Variants in HEPHL1 observed in about 807,000 individuals in gnomAD.
HEPHL1 encodes ferroxidase HEPHL1.
HEPHL1 carries 123 observed loss-of-function variants against 122.0 expected under a neutral mutation model. The ratio of observed to expected loss-of-function variants is 1.01; its 90% CI spans 0.87 to 1.17. The LOEUF (loss-of-function observed/expected upper bound fraction) is 1.17, where lower values mean the gene tolerates loss of function less well. Among genes scored for constraint, HEPHL1 ranks in the 50% most tolerant of loss-of-function variants. The pLI, the probability that HEPHL1 is intolerant of heterozygous loss-of-function variation, is 0.00. For synonymous variants in HEPHL1, 527 were observed against 508.9 expected, an observed-to-expected ratio of 1.04 and a Z score of -0.48; for missense variants, 1,452 against 1,430.5, an observed-to-expected ratio of 1.01 and a Z score of -0.24.
At chr11:94,028,797 G>A (rs1425612103) in intron 1 of HEPHL1, among the ~76,000 whole-genome samples, 1 of 152,134 alleles carries the variant, frequency 6.6e-6, no homozygotes, top group East Asian at 1.9e-4. Flanking sequence ...CATGGGGATG[G>A]CTCCCTTGAA....
intron 14 of HEPHL1, among the ~76,000 whole-genome samples, chr11:94,101,835 C>A (rs1413098970): frequency 6.6e-6 from 1 of 152,144 alleles, no homozygotes; most frequent in Non-Finnish European, 1.5e-5. Context: ...AGTAGCTCCC[C>A]CTTATCACGG....
At chr11:94,076,754 C>T (rs1483410979) in intron 9 of HEPHL1, among the ~76,000 whole-genome samples, 1 of 152,150 alleles carries the variant, frequency 6.6e-6, no homozygotes, top group East Asian at 1.9e-4. Flanking sequence ...GCAAAATGGT[C>T]AGTCTTCTTC....
chr11:94,073,366 C>G lies in HEPHL1; in HGVS notation c.1431C>G (p.Ala477=), dbSNP rs752011824. ...DTLLVTFANK[A]DKVYSILPHG... Reference sequence around the variant, plus strand: ...TGTTAGTGACCTTTGCCAACAAAGCCGACAAGGTCTATAGCATTTTACCCC... The same window carrying G: ...TGTTAGTGACCTTTGCCAACAAAGCGGACAAGGTCTATAGCATTTTACCCC... The change falls in exon 8 of 20, where the codon GCC becomes GCG. Residue 477 remains alanine (A), a synonymous_variant. Coordinates refer to ENST00000315765, the MANE Select transcript of HEPHL1 (RefSeq NM_001098672.2). 2.5e-6 allele frequency: 4 copies of G among 1,592,160 alleles called. No individual in the cohort carries two copies. The highest frequency in any genetic ancestry group is 3.4e-6 in the Non-Finnish European group (4 of 1,168,470).
chr11:94,111,487 GA>G (rs760389305), intron 18 of HEPHL1, 49 bp from the exon 19 acceptor site: 1 of 1,395,192 alleles, frequency 7.2e-7, no homozygotes, highest in African/African-American at 1.4e-5. Context: ...GTCATGAAAA[GA>G]ATCCCCTTCT....
intron 1 of HEPHL1, among the ~76,000 whole-genome samples, chr11:94,031,571 A>G: frequency 6.6e-6 from 1 of 152,072 alleles, no homozygotes. Flanking sequence ...ATCATTCTCT[A>G]ATTTTTTAAA....
chr11:94,046,091 C>CTTTTTTTTTTCT (rs1555059416), intron 2 of HEPHL1, among the ~76,000 whole-genome samples, 174 bp downstream of exon 2: 6 of 65,048 alleles, frequency 9.2e-5, no homozygotes, highest in Non-Finnish European at 1.3e-4. Context: ...CCCTTTCTTG[C>CTTTTTTTTTTCT]TTTTTTTTTT....
intron 12 of HEPHL1, among the ~76,000 whole-genome samples, chr11:94,090,773 A>G (rs1946258893): frequency 6.6e-6 from 1 of 152,158 alleles, no homozygotes; most frequent in Non-Finnish European, 1.5e-5. Context: ...TCCCATGGCC[A>G]TGGTAGGAGC....
At chr11:94,047,123 T>A (rs931921014) in intron 2 of HEPHL1, among the ~76,000 whole-genome samples, 4 of 152,240 alleles carry the variant, frequency 2.6e-5, no homozygotes, top group Admixed American at 2.0e-4. Context: ...GATTTGGTAG[T>A]TCTTAGTTGT....
rs556037808 is a variant in HEPHL1, at chr11:94,067,613, A to C, written c.926A>C (p.Tyr309Ser). The C allele has an allele frequency of 1.1e-5, 17 of 1,613,728 alleles. No individual in the cohort carries two copies. The Admixed American group carries it at 2.8e-4, about 27-fold the overall frequency. ...ATAGACATCCATTCTATCTATTTCT[A>C]TGGTAACACCTTCATCAGCAGAGGG... ...NEIDIHSIYF[Y>S]GNTFISRGHR... Residue 309 changes from tyrosine (Y) to serine (S), a missense_variant, in exon 5 of 20, where the codon TAT (tyrosine) becomes TCT (serine). By Grantham distance (144) the Tyr-to-Ser change is moderately radical. Transcript: ENST00000315765.
intron 3 of HEPHL1, among the ~76,000 whole-genome samples, 181 bp downstream of exon 3, chr11:94,063,901 A>T (rs1395245592): frequency 6.6e-6 from 1 of 152,246 alleles, no homozygotes; most frequent in Non-Finnish European, 1.5e-5. Context: ...TTTGTCTAAG[A>T]ATCATCACAG....
intron 13 of HEPHL1, among the ~76,000 whole-genome samples, chr11:94,098,989 G>A (rs576531625): frequency 7.2e-5 from 11 of 152,160 alleles, no homozygotes; most frequent in Non-Finnish European, 1.5e-4. Flanking sequence ...AAGTCTGATC[G>A]TCTGAAGCCT....
chr11:94,023,359 T>C (rs577530508), intron 1 of HEPHL1, among the ~76,000 whole-genome samples: 10 of 152,198 alleles, frequency 6.6e-5, no homozygotes, highest in Non-Finnish European at 1.5e-4. Context: ...CCTAGAAGCA[T>C]ATTGAAAGGG....
chr11:94,087,245 G>A (rs1309971229), intron 11 of HEPHL1, among the ~76,000 whole-genome samples: 2 of 152,084 alleles, frequency 1.3e-5, no homozygotes, highest in South Asian at 2.1e-4. Flanking sequence ...GGAGGGGATT[G>A]GGAAATAGCC....
intron 1 of HEPHL1, among the ~76,000 whole-genome samples, chr11:94,045,100 G>T (rs533863538): frequency 1.0e-3 from 153 of 152,238 alleles, no homozygotes; most frequent in Admixed American, 2.2e-3. Context: ...CAGAAACAGG[G>T]TCTCACTATG....
At chr11:94,060,647 C>T (rs1486535259) in intron 2 of HEPHL1, among the ~76,000 whole-genome samples, 3 of 152,164 alleles carry the variant, frequency 2.0e-5, no homozygotes, top group Non-Finnish European at 4.4e-5. Flanking sequence ...ATTTCAGTGG[C>T]TGTGAGCTTA....
At chr11:94,039,715 C>T (rs376663971) in intron 1 of HEPHL1, among the ~76,000 whole-genome samples, 5,303 of 149,846 alleles carry the variant, frequency 0.035, 175 homozygotes, top group African/African-American at 0.11. Context: ...GGGACACATT[C>T]AAAGCAGTGT....
In HEPHL1 at chr11:94,098,200, A is replaced by G. The variant is rs989610965; in HGVS notation, c.2435-2995A>G. On this transcript the variant is annotated intron_variant, in intron 13 of 19. Coordinates refer to ENST00000315765, the MANE Select transcript of HEPHL1 (RefSeq NM_001098672.2). ...AGTGCTTCCTTCAGGAGCTCTTGTA[A>G]TGCAGGCCTGGTGGTGACAAAATCT... 8.3e-4 allele frequency among the ~76,000 whole-genome samples: 127 copies of G among 152,224 alleles called. 1 individual carries two copies. The highest frequency in any genetic ancestry group is 2.8e-3 in the African/African-American group (117 of 41,534).
intron 2 of HEPHL1, among the ~76,000 whole-genome samples, chr11:94,058,277 G>A (rs1350839741): frequency 2.0e-5 from 3 of 152,070 alleles, no homozygotes; most frequent in African/African-American, 4.8e-5. Flanking sequence ...TACCAAAATG[G>A]TTTGTTATTT....
intron 15 of HEPHL1, 31 bp from the exon 16 acceptor site, chr11:94,104,497 C>A: frequency 7.0e-7 from 1 of 1,437,798 alleles, no homozygotes; most frequent in Non-Finnish European, 9.8e-7. Context: ...TACTTAATGG[C>A]TCTTTTAACT....
Sources: allele counts gnomAD v4.1 joint callset (sites outside exome capture counted in the v4.1 genomes callset), GRCh38; gene constraint gnomAD v4.1.1; transcripts MANE v1.5; gene names NCBI Gene and HGNC (gene_info 2026-07-23, HGNC 2026-07-21).